ANKRD60: variants seen among roughly 807,000 people sequenced by gnomAD.
ANKRD60 encodes ankyrin repeat domain 60.
ANKRD60 carries 24 observed loss-of-function variants against 21.3 expected under a neutral mutation model. That is an observed-to-expected ratio of 1.13 (90% CI 0.82 to 1.59). ANKRD60 has a LOEUF of 1.59. ANKRD60 is among the 40% of genes most tolerant of loss of function. ANKRD60 has a pLI of 0.00. For synonymous variants in ANKRD60, 182 were observed against 199.4 expected (o/e 0.91, Z 0.74); for missense variants, 490 against 466.7 (o/e 1.05, Z -0.46).
At chr20:58,225,388 A>G (rs1401394811) in intron 1 of ANKRD60, among the ~76,000 whole-genome samples, 1 of 152,246 alleles carries the variant, frequency 6.6e-6, no homozygotes, top group Non-Finnish European at 1.5e-5. Context: ...AATACAGAGT[A>G]GGCTCAAAAC....
chr20:58,226,223 T>C (rs1984361265), intron 1 of ANKRD60, among the ~76,000 whole-genome samples: 1 of 152,118 alleles, frequency 6.6e-6, no homozygotes, highest in South Asian at 2.1e-4. Flanking sequence ...TACTCTGGAT[T>C]TGGGGTTCTG....
At position 58,228,486 on chromosome 20, in the gene ANKRD60, C is replaced by T. The variant is rs544935932; in HGVS notation, c.168G>A (p.Ala56=). The change falls in exon 1 of 4, where the codon GCG becomes GCA. Residue 56 remains alanine, a synonymous_variant. Coordinates refer to ENST00000457363, the Ensembl canonical transcript of ANKRD60. The surrounding 1 kb of genome is among the most constrained non-coding windows in gnomAD (Gnocchi z 5.3). ...GCTGCGCGGGGAGGGCCCGCGAGTC[C>T]GCCGAGCCCACCCTGGGCCCGCCGC... is the stretch of plus-strand genomic sequence containing the variant. 6.0e-6 allele frequency: 9 copies of T among 1,493,484 alleles called. No individual in the cohort carries two copies. The highest frequency in any genetic ancestry group is 4.3e-5 in the Admixed American group (2 of 46,020). The allele number at this position is 1,493,484 out of a possible 1,614,324, so 92.5% of individuals were successfully genotyped here. A position where few individuals can be genotyped will look rare whatever the true frequency, so the allele number is the denominator to read the frequency against.
At chr20:58,221,632 G>T in intron 2 of ANKRD60, 129 bp from the exon 3 acceptor site, 1 of 1,056,674 alleles carries the variant, frequency 9.5e-7, no homozygotes. Flanking sequence ...GGAAAAGAGA[G>T]GTGCAAACCC....
At chr20:58,227,646 T>C (rs1039065796) in intron 1 of ANKRD60, among the ~76,000 whole-genome samples, 3 of 152,122 alleles carry the variant, frequency 2.0e-5, no homozygotes, top group African/African-American at 7.2e-5. Flanking sequence ...AGGGTTTGTT[T>C]CAGGTTTGGC....
chr20:58,220,105 G>A (rs544594835), intron 3 of ANKRD60, among the ~76,000 whole-genome samples: 1 of 152,330 alleles, frequency 6.6e-6, no homozygotes, highest in African/African-American at 2.4e-5. Flanking sequence ...AGCTGACAGA[G>A]GCTGGAGCCA....
chr20:58,225,530 C>T (rs557466982), intron 1 of ANKRD60, among the ~76,000 whole-genome samples: 2 of 152,308 alleles, frequency 1.3e-5, no homozygotes, highest in South Asian at 4.1e-4. Context: ...TTGGCCTTCA[C>T]TGTGCATTTT....
At position 58,219,902 on chromosome 20, in the gene ANKRD60, G is replaced by A. The variant is rs374630691; in HGVS notation, c.728-1097C>T. ...TGAGCTTAAAGGACTGCTGGGCTGCGCAAAGCCCATATTTCATTTTACAAC... is the reference window on the plus strand; with the variant it reads ...TGAGCTTAAAGGACTGCTGGGCTGCACAAAGCCCATATTTCATTTTACAAC... On this transcript the variant is annotated intron_variant, in intron 3 of 3. Coordinates refer to ENST00000457363, the Ensembl canonical transcript of ANKRD60. Among the ~76,000 whole-genome samples, 20 of 152,276 alleles carry A rather than the reference G, an allele frequency of 1.3e-4. 1 individual carries two copies. Among genetic ancestry groups the A allele is most frequent in the South Asian group, 4.1e-4 (2 of 4,828 alleles).
At position 58,221,461 on chromosome 20, in the gene ANKRD60, C is replaced by CT; in HGVS notation, c.603_604insA (p.Ala202SerfsTer7). On this transcript the variant is annotated frameshift_variant, in exon 3 of 4. Transcript: ENST00000457363. LOFTEE classifies it high-confidence loss of function. Reference sequence around the variant, plus strand: ...TCACCCTCAAAATGTTCTGAATTTGCGGTTCGGTAGAAGGAATCTTCAGTA... The same window carrying CT: ...TCACCCTCAAAATGTTCTGAATTTGCTGGTTCGGTAGAAGGAATCTTCAGTA... The CT allele has an allele frequency of 6.4e-7, 1 of 1,551,852 alleles. No individual in the cohort carries two copies. Among genetic ancestry groups the CT allele is most frequent in the Non-Finnish European group, 8.7e-7 (1 of 1,147,002 alleles).
chr20:58,221,117 C>G (rs987601728), intron 3 of ANKRD60, among the ~76,000 whole-genome samples: 6 of 152,124 alleles, frequency 3.9e-5, no homozygotes, highest in Admixed American at 3.3e-4. Flanking sequence ...AGAATCTTCT[C>G]GAGACCTGGT....
intron 1 of ANKRD60, among the ~76,000 whole-genome samples, chr20:58,227,004 G>C (rs1360170778): frequency 1.3e-5 from 2 of 152,168 alleles, no homozygotes; most frequent in Admixed American, 6.5e-5. Context: ...GTTATGGCCA[G>C]GCATAGCTTC....
In ANKRD60 at chr20:58,223,163, A is replaced by AGT; in HGVS notation, c.448_449dup (p.Thr151LeufsTer3). The AGT allele has an allele frequency of 6.5e-7, 1 of 1,546,698 alleles. No homozygotes were observed. Among genetic ancestry groups the AGT allele is most frequent in the South Asian group, 1.2e-5 (1 of 83,104 alleles). ...GAACAACATCATGGAACTTCAGGGT[A>AGT]GTGTCATCCATCAAAACTCCTGCAG... On this transcript the variant is annotated frameshift_variant, in exon 2 of 4. Coordinates refer to ENST00000457363, the Ensembl canonical transcript of ANKRD60. LOFTEE classifies it high-confidence loss of function.
At position 58,228,217 on chromosome 20, in the gene ANKRD60, G is replaced by A. The variant is rs1056705197; in HGVS notation, c.430+7C>T. The A allele has an allele frequency of 1.9e-6, 3 of 1,544,360 alleles. No individual in the cohort carries two copies. Among genetic ancestry groups the A allele is most frequent in the Non-Finnish European group, 2.6e-6 (3 of 1,142,586 alleles). On this transcript the variant is annotated splice_region_variant and intron_variant, in intron 1 of 3. Coordinates refer to ENST00000457363, the Ensembl canonical transcript of ANKRD60. The surrounding 1 kb of genome is among the most constrained non-coding windows in gnomAD (Gnocchi z 5.3). ...GTGGCCAGGGAAGGAGTCAGGGCAG[G>A]AGCCACCTTCGTCGAGGTACTGGAG...
At chr20:58,220,489 CAGAGAGAGAGAGAGAG>C (rs11469843) in intron 3 of ANKRD60, among the ~76,000 whole-genome samples, 4 of 144,372 alleles carry the variant, frequency 2.8e-5, no homozygotes, top group East Asian at 2.0e-4. Context: ...TCAAGAGAGC[CAGAGAGAGAGAGAGAG>C]AGAGAGAGAG....
chr20:58,224,287 C>T (rs1005599998), intron 1 of ANKRD60, among the ~76,000 whole-genome samples: 3 of 152,146 alleles, frequency 2.0e-5, no homozygotes, highest in East Asian at 1.9e-4. Flanking sequence ...GTCTCAGCTC[C>T]GCCCAGGTGA....
At chr20:58,217,973 C>T (rs989603349), downstream of ANKRD60, among the ~76,000 whole-genome samples, 16 of 152,122 alleles carry the variant, frequency 1.1e-4, no homozygotes, top group African/African-American at 2.9e-4. Flanking sequence ...CTTCTGCCCC[C>T]GACTCAAGAA....
rs1236912130 is a variant in ANKRD60 at position 58,228,152 on chromosome 20, T to C, written c.430+72A>G. On this transcript the variant is annotated intron_variant, in intron 1 of 3. Coordinates refer to ENST00000457363, the Ensembl canonical transcript of ANKRD60. This position sits in a 1 kb window ranked among gnomAD's most constrained non-coding sequence, Gnocchi z 5.3. ...GTTTCTCACGTAAGCAGGCTTCCCT[T>C]TGGGAATCCACTTCAGAAGTGGACA... 7.2e-7 allele frequency: 1 copy of C among 1,380,422 alleles called. No individual in the cohort carries two copies. The highest frequency in any genetic ancestry group is 9.8e-7 in the Non-Finnish European group (1 of 1,023,248). 85.5% of individuals were successfully genotyped at this position (1,380,422 alleles called of 1,614,324 possible). A position where few individuals can be genotyped will look rare whatever the true frequency, so the allele number is the denominator to read the frequency against.
At chr20:58,221,887 G>A (rs900425678) in intron 2 of ANKRD60, among the ~76,000 whole-genome samples, 9 of 152,246 alleles carry the variant, frequency 5.9e-5, no homozygotes, top group East Asian at 1.9e-4. Flanking sequence ...CTTGGAGACC[G>A]GATCTGGCTT....
At chr20:58,217,100 C>A (rs1243548934), downstream of ANKRD60, among the ~76,000 whole-genome samples, 2 of 152,140 alleles carry the variant, frequency 1.3e-5, no homozygotes, top group Non-Finnish European at 2.9e-5. Context: ...TTGTAGCAGA[C>A]CACGTTCTTC....
intron 1 of ANKRD60, among the ~76,000 whole-genome samples, chr20:58,227,664 C>T (rs990654343): frequency 1.3e-5 from 2 of 151,926 alleles, no homozygotes; most frequent in Admixed American, 6.6e-5. Context: ...GGCATGCTTG[C>T]GTGGACATGG....
Sources: allele counts gnomAD v4.1 joint callset (sites outside exome capture counted in the v4.1 genomes callset), GRCh38; gene constraint gnomAD v4.1.1; non-coding constraint Gnocchi (gnomAD v3.1); transcripts MANE v1.5; gene names NCBI Gene and HGNC (gene_info 2026-07-23, HGNC 2026-07-21).